The following ATRNL1 variants were observed in gnomAD, a reference collection of about 807,000 sequenced individuals.
The protein encoded by ATRNL1 is attractin-like protein 1.
A neutral mutation model predicts 182.7 loss-of-function variants in ATRNL1; 95 were observed. That is an observed-to-expected ratio of 0.52 (90% CI 0.44 to 0.62). ATRNL1 has a LOEUF of 0.62. Among genes scored for constraint, ATRNL1 ranks in the 20% least tolerant of loss-of-function variants. The pLI, the probability that ATRNL1 is intolerant of heterozygous loss-of-function variation, is 0.00. For missense variants in ATRNL1, 1,471 were observed against 1,679.5 expected (o/e 0.88, Z 2.17); for synonymous variants, 576 against 568.3 (o/e 1.01, Z -0.19).
chr10:115,500,169 T>C lies in ATRNL1; in HGVS notation c.3655-19094T>C, dbSNP rs368538632. On this transcript the variant is annotated intron_variant, in intron 24 of 28. Coordinates refer to ENST00000355044, the MANE Select transcript of ATRNL1 (RefSeq NM_207303.4). Reference sequence around the variant, plus strand: ...CCATCCATCAGTAGGCATGTATGAATGTGGCTTATGTATGTAAATAGATTG... The same window carrying C: ...CCATCCATCAGTAGGCATGTATGAACGTGGCTTATGTATGTAAATAGATTG... Among the ~76,000 whole-genome samples, 8 of 152,306 alleles carry C rather than the reference T, an allele frequency of 5.3e-5. 1 individual carries two copies. The highest frequency in any genetic ancestry group is 1.9e-4 in the African/African-American group (8 of 41,570).
intron 26 of ATRNL1, among the ~76,000 whole-genome samples, chr10:115,721,376 G>A (rs923745760): frequency 6.6e-4 from 101 of 152,170 alleles, no homozygotes; most frequent in African/African-American, 2.3e-3. Flanking sequence ...ATATGCATTG[G>A]TATATACATA....
chr10:115,194,877 C>T (rs1848301879), intron 8 of ATRNL1, among the ~76,000 whole-genome samples: 1 of 148,758 alleles, frequency 6.7e-6, no homozygotes. Flanking sequence ...TTTGTGGTTA[C>T]CATGAGGTTT....
intron 3 of ATRNL1, among the ~76,000 whole-genome samples, chr10:115,124,626 G>A (rs1367752963): frequency 6.6e-6 from 1 of 152,180 alleles, no homozygotes; most frequent in East Asian, 1.9e-4. Context: ...ATACCATATG[G>A]CCCCAACATT....
intron 10 of ATRNL1, among the ~76,000 whole-genome samples, chr10:115,261,586 G>T (rs1328754772): frequency 6.6e-6 from 1 of 152,166 alleles, no homozygotes; most frequent in East Asian, 1.9e-4. Flanking sequence ...AAGGGTTGGG[G>T]GAGAAATAGC....
intron 28 of ATRNL1, among the ~76,000 whole-genome samples, chr10:115,870,695 T>C (rs1273085535): frequency 6.6e-6 from 1 of 152,210 alleles, no homozygotes; most frequent in Non-Finnish European, 1.5e-5. Context: ...ATCAAGGTTT[T>C]ATGAAACGCA....
chr10:115,942,334 C>G (rs1555124485), intron 28 of ATRNL1, among the ~76,000 whole-genome samples: 1 of 152,228 alleles, frequency 6.6e-6, no homozygotes, highest in Non-Finnish European at 1.5e-5. Context: ...GTTTAACTTT[C>G]AGGCTTCCAT....
chr10:115,627,632 T>C (rs1392617723), intron 26 of ATRNL1, among the ~76,000 whole-genome samples: 2 of 152,070 alleles, frequency 1.3e-5, no homozygotes, highest in Admixed American at 6.6e-5. Flanking sequence ...TCCCAAAGTG[T>C]TGGGATTCAG....
chr10:115,140,181 G>C (rs554015564), intron 5 of ATRNL1, among the ~76,000 whole-genome samples: 179 of 152,194 alleles, frequency 1.2e-3, no homozygotes, highest in African/African-American at 4.0e-3. Flanking sequence ...GCTAAACCTA[G>C]GTCTTGTCCA....
At chr10:115,701,606 T>A (rs1313822746) in intron 26 of ATRNL1, among the ~76,000 whole-genome samples, 1 of 151,706 alleles carries the variant, frequency 6.6e-6, no homozygotes, top group East Asian at 1.9e-4. Context: ...ATCAGAAATA[T>A]CAAAGATGAT....
At chr10:115,193,927 A>C (rs1848260854) in intron 8 of ATRNL1, among the ~76,000 whole-genome samples, 1 of 151,806 alleles carries the variant, frequency 6.6e-6, no homozygotes, top group Non-Finnish European at 1.5e-5. Flanking sequence ...TGGAAATTTT[A>C]AAATTTTCTT....
At chr10:115,311,379 C>A (rs896044799) in intron 17 of ATRNL1, among the ~76,000 whole-genome samples, 2 of 151,830 alleles carry the variant, frequency 1.3e-5, no homozygotes, top group Admixed American at 6.6e-5. Context: ...TAGTAGAAAC[C>A]GGTTTCACCA....
intron 9 of ATRNL1, among the ~76,000 whole-genome samples, chr10:115,231,993 C>T (rs1397701873): frequency 6.6e-6 from 1 of 152,074 alleles, no homozygotes; most frequent in Non-Finnish European, 1.5e-5. Flanking sequence ...TGTGCGAACG[C>T]AGAGTCTTTT....
chr10:115,276,756 G>A (rs1257869352), intron 13 of ATRNL1, among the ~76,000 whole-genome samples: 5 of 152,156 alleles, frequency 3.3e-5, no homozygotes, highest in African/African-American at 1.2e-4. Flanking sequence ...CTATTCATAA[G>A]CGTGTCTGGT....
chr10:115,625,781 C>A (rs565308566), intron 26 of ATRNL1, among the ~76,000 whole-genome samples: 1 of 151,924 alleles, frequency 6.6e-6, no homozygotes, highest in African/African-American at 2.4e-5. Context: ...GATGCCAAGG[C>A]GCATAGGAAT....
At chr10:115,591,643 C>A (rs757201857) in intron 26 of ATRNL1, among the ~76,000 whole-genome samples, 1 of 152,178 alleles carries the variant, frequency 6.6e-6, no homozygotes, top group Non-Finnish European at 1.5e-5. Flanking sequence ...AGCATTGTCT[C>A]CTGACATTGT....
chr10:115,099,112 G>A (rs2085096011), intron 1 of ATRNL1, among the ~76,000 whole-genome samples: 1 of 152,138 alleles, frequency 6.6e-6, no homozygotes, highest in African/African-American at 2.4e-5. Flanking sequence ...TCCTGTCCCA[G>A]GGCAACTATT....
In ATRNL1 at chr10:115,805,566, A is replaced by G. The variant is rs181719169; in HGVS notation, c.3904-42311A>G. On this transcript the variant is annotated intron_variant, in intron 27 of 28. Transcript: ENST00000355044. ...TCACCTACTTGACTCTGTTATACTAAGAGTTCAGTGAGAAGAGCATCAGGG... is the reference window on the plus strand; with the variant it reads ...TCACCTACTTGACTCTGTTATACTAGGAGTTCAGTGAGAAGAGCATCAGGG... Among the ~76,000 whole-genome samples the G allele has an allele frequency of 3.7e-3, 558 of 151,180 alleles. 2 individuals are homozygous for G. The highest frequency in any genetic ancestry group is 0.013 in the African/African-American group (537 of 40,548).
intron 26 of ATRNL1, among the ~76,000 whole-genome samples, chr10:115,607,474 A>T (rs1240735824): frequency 3.9e-5 from 6 of 151,964 alleles, no homozygotes; most frequent in African/African-American, 1.4e-4. Flanking sequence ...TAAAGTTTAC[A>T]ACTTTAAATT....
rs570671783 is a variant in ATRNL1 at position 115,239,703 on chromosome 10, C to A, written c.1533-1868C>A. On this transcript the variant is annotated intron_variant, in intron 9 of 28. Coordinates refer to ENST00000355044, the MANE Select transcript of ATRNL1 (RefSeq NM_207303.4). Reference sequence around the variant, plus strand: ...AGTCTCTGGAGTCTTCTCAACTTGGCTCTTTCTGGATGCAACAGTCTGCCT... The same window carrying A: ...AGTCTCTGGAGTCTTCTCAACTTGGATCTTTCTGGATGCAACAGTCTGCCT... 2.0e-5 allele frequency among the ~76,000 whole-genome samples: 3 copies of A among 152,236 alleles called. No individual in the cohort carries two copies. The East Asian group carries it at 5.8e-4, about 29-fold the overall frequency.
Sources: allele counts gnomAD v4.1 joint callset (sites outside exome capture counted in the v4.1 genomes callset), GRCh38; gene constraint gnomAD v4.1.1; transcripts MANE v1.5; gene names NCBI Gene and HGNC (gene_info 2026-07-23, HGNC 2026-07-21).